Variants in ZC3H14 observed in about 807,000 individuals in gnomAD.
ZC3H14 encodes the protein zinc finger CCCH domain-containing protein 14.
Under a neutral mutation model 92.4 loss-of-function variants are expected in ZC3H14, and 31 were observed. The observed-to-expected ratio is 0.34, with a 90% CI of 0.25 to 0.45. The LOEUF is 0.45. Ranked by LOEUF, ZC3H14 falls within the 20% of genes least tolerant of loss-of-function variation. The probability of loss-of-function intolerance (pLI) is 1.00; values close to 1 mark genes in which losing one functional copy is unlikely to be tolerated. For synonymous variants in ZC3H14, 321 were observed against 300.9 expected (o/e 1.07, Z -0.69); for missense variants, 781 against 897.3 (o/e 0.87, Z 1.66).
At chr14:88,605,518 G>A (rs2085252663) in intron 12 of ZC3H14, among the ~76,000 whole-genome samples, 1 of 152,026 alleles carries the variant, frequency 6.6e-6, no homozygotes, top group Admixed American at 6.5e-5. Context: ...ATTTTTTGTA[G>A]AGATGGGGTT....
chr14:88,598,829 A>G (rs1482107530), intron 10 of ZC3H14, among the ~76,000 whole-genome samples: 1 of 152,190 alleles, frequency 6.6e-6, no homozygotes, highest in Non-Finnish European at 1.5e-5. Flanking sequence ...GCTCACGCCC[A>G]TAATCCCAGC....
chr14:88,563,194 G>T lies in ZC3H14; in HGVS notation c.36+25G>T, dbSNP rs748912991. ...GGTGAGGCCCGTGCCGGTCGGGGGT[G>T]GGAAGCCAGGTCTCGGCGAGCGGGC... is the stretch of plus-strand genomic sequence containing the variant. On this transcript the variant is annotated intron_variant, in intron 1 of 16. Transcript: ENST00000251038. 5.0e-6 allele frequency: 8 copies of T among 1,600,800 alleles called. No individual in the cohort carries two copies. The Admixed American group carries it at 8.5e-5, about 17-fold the overall frequency.
rs117435898 is a variant in ZC3H14 at position 88,569,696 on chromosome 14, A to G, written c.195-1388A>G. Reference sequence around the variant, plus strand: ...AATTTGAGTGCAAGAGGAGGCACTGAGTGGGGAGATGAGCCTGGTTAAGTT... The same window carrying G: ...AATTTGAGTGCAAGAGGAGGCACTGGGTGGGGAGATGAGCCTGGTTAAGTT... On this transcript the variant is annotated intron_variant, in intron 3 of 16. Transcript: ENST00000251038. Among the ~76,000 whole-genome samples, 166 of 152,338 alleles carry G rather than the reference A, an allele frequency of 1.1e-3. 1 individual carries two copies. In the South Asian group the frequency reaches 0.017, roughly 15 times the overall value.
intron 9 of ZC3H14, among the ~76,000 whole-genome samples, chr14:88,592,631 G>A (rs996560908): frequency 3.3e-5 from 5 of 151,118 alleles, no homozygotes; most frequent in South Asian, 2.1e-4. Flanking sequence ...CTCCCGAGTA[G>A]CTGGAATTAC....
chr14:88,566,631 G>T (rs2139475324), intron 2 of ZC3H14, among the ~76,000 whole-genome samples: 1 of 152,256 alleles, frequency 6.6e-6, no homozygotes, highest in Middle Eastern at 3.4e-3. Context: ...AGGTATTAAA[G>T]AAATTTGTCA....
chr14:88,593,542 A>C (rs1380211197), intron 9 of ZC3H14, among the ~76,000 whole-genome samples: 1 of 152,212 alleles, frequency 6.6e-6, no homozygotes, highest in African/African-American at 2.4e-5. Flanking sequence ...AGACCCGTGG[A>C]CCGGAATTGA....
Position 88,622,369 on chromosome 14 carries a change from C to G in ZC3H14, c.*10618C>G, listed in dbSNP as rs1255981691. 4 of 362,828 alleles carry G rather than the reference C, an allele frequency of 1.1e-5. No individual in the cohort carries two copies. Among genetic ancestry groups the G allele is most frequent in the Admixed American group, 8.9e-5 (2 of 22,536 alleles). The allele number at this position is 362,828 out of a possible 1,614,324, so 22.5% of individuals were successfully genotyped here. ...ACTAGAGTTGTTAAATTGGCAGATT[C>G]TAGAAAATATTGGAGGTTTACATAC... On this transcript the variant is annotated 3_prime_UTR_variant, in exon 17 of 17. Transcript: ENST00000251038.
intron 3 of ZC3H14, among the ~76,000 whole-genome samples, chr14:88,570,724 C>T (rs895444238): frequency 1.3e-5 from 2 of 152,170 alleles, no homozygotes; most frequent in Admixed American, 6.5e-5. Flanking sequence ...GAAAAAAATA[C>T]AATTTTTTAT....
rs2088565401 is a variant in ZC3H14 at position 88,619,854 on chromosome 14, G to A, written c.*8103G>A. On this transcript the variant is annotated 3_prime_UTR_variant, in exon 17 of 17. Coordinates refer to ENST00000251038, the MANE Select transcript of ZC3H14 (RefSeq NM_024824.5). ...TGATTTTTGTATTTTTAGTTGAGAT[G>A]GGGTTTCACTATGTTGGCCAGGCTG... 1 of 152,116 alleles carries A rather than the reference G, an allele frequency of 6.6e-6. No individual in the cohort carries two copies. Among genetic ancestry groups the A allele is most frequent in the Non-Finnish European group, 1.5e-5 (1 of 68,030 alleles). The allele number at this position is 152,116 out of a possible 1,614,324, so 9.4% of individuals were successfully genotyped here.
intron 2 of ZC3H14, among the ~76,000 whole-genome samples, chr14:88,566,298 T>C (rs1389224095): frequency 6.6e-6 from 1 of 152,022 alleles, no homozygotes; most frequent in African/African-American, 2.4e-5. Context: ...TTAAAAATGA[T>C]CAGTTCTAAT....
Position 88,620,446 on chromosome 14 carries a change from G to C in ZC3H14, c.*8695G>C, listed in dbSNP as rs2140299911. 4.4e-6 allele frequency: 1 copy of C among 227,396 alleles called. No homozygotes were observed. Among genetic ancestry groups the C allele is most frequent in the East Asian group, 9.1e-5 (1 of 10,980 alleles). The allele number at this position is 227,396 out of a possible 1,614,324, so 14.1% of individuals were successfully genotyped here. ...GGTGACAACTTTTGAAGGGCAGATA[G>C]CTCTCTTGTATTACAGTGGGAGATA... On this transcript the variant is annotated 3_prime_UTR_variant, in exon 17 of 17. Transcript: ENST00000251038. This position sits in a 1 kb window ranked among gnomAD's most constrained non-coding sequence, Gnocchi z 4.3.
intron 2 of ZC3H14, among the ~76,000 whole-genome samples, chr14:88,567,583 A>G (rs2079868995): frequency 6.6e-6 from 1 of 152,130 alleles, no homozygotes; most frequent in Non-Finnish European, 1.5e-5. Context: ...ATGTTGCTAC[A>G]AGTTTGTTAC....
In ZC3H14 at chr14:88,616,161, C is replaced by T; in HGVS notation, c.*4410C>T. 6.2e-7 allele frequency: 1 copy of T among 1,613,902 alleles called. No individual in the cohort carries two copies. The highest frequency in any genetic ancestry group is 1.1e-5 in the South Asian group (1 of 91,076). On this transcript the variant is annotated 3_prime_UTR_variant, in exon 17 of 17. Transcript: ENST00000251038. ...ACTAACCTGCAGTCATCACCTCCAG[C>T]ACTAACAACATGTCGATCACCACTG...
At position 88,616,294 on chromosome 14, in the gene ZC3H14, A is replaced by G. The variant is rs1226946330; in HGVS notation, c.*4543A>G. The G allele has an allele frequency of 6.5e-7, 1 of 1,538,540 alleles. No individual in the cohort carries two copies. Among genetic ancestry groups the G allele is most frequent in the African/African-American group, 1.4e-5 (1 of 73,328 alleles). On this transcript the variant is annotated 3_prime_UTR_variant, in exon 17 of 17. Coordinates refer to ENST00000251038, the MANE Select transcript of ZC3H14 (RefSeq NM_024824.5). ...GGGCATTTGGTGCACACAGAAGTCAAAGGCTCTTATTAGGAACTATAATCT... is the reference window on the plus strand; with the variant it reads ...GGGCATTTGGTGCACACAGAAGTCAGAGGCTCTTATTAGGAACTATAATCT...
intron 10 of ZC3H14, 53 bp from the exon 11 acceptor site, chr14:88,601,871 G>T: frequency 6.3e-7 from 1 of 1,590,148 alleles, no homozygotes; most frequent in Non-Finnish European, 8.6e-7. Flanking sequence ...ATAATGTTGG[G>T]AATGTAAGGT....
intron 10 of ZC3H14, among the ~76,000 whole-genome samples, chr14:88,601,373 G>A (rs1343162571): frequency 6.6e-6 from 1 of 152,162 alleles, no homozygotes; most frequent in Non-Finnish European, 1.5e-5. Context: ...TTGCATTAAA[G>A]GCCAGTGTTT....
chr14:88,609,866 CTTTT>C (rs1376833440), intron 15 of ZC3H14, 63 bp downstream of exon 15: 14 of 1,549,058 alleles, frequency 9.0e-6, no homozygotes, highest in Non-Finnish European at 1.2e-5. Context: ...CATTTAACTT[CTTTT>C]TTGTCAGAGT....
intron 3 of ZC3H14, among the ~76,000 whole-genome samples, chr14:88,568,891 C>A (rs185578326): frequency 2.0e-5 from 3 of 151,260 alleles, no homozygotes; most frequent in African/African-American, 7.3e-5. Flanking sequence ...ACTTCTATAT[C>A]TTTTTTTTTG....
At chr14:88,572,372 A>G (rs1385573655) in intron 5 of ZC3H14, 147 bp downstream of exon 5, 14 of 1,106,534 alleles carry the variant, frequency 1.3e-5, no homozygotes, top group Non-Finnish European at 1.8e-5. Context: ...AAAATAATGG[A>G]TAAGATCTAA....
Sources: gnomAD v4.1 joint callset for allele counts (sites outside exome capture counted in the v4.1 genomes callset) on GRCh38, gnomAD v4.1.1 for gene constraint, Gnocchi (gnomAD v3.1) non-coding constraint, MANE v1.5 for transcripts, NCBI Gene and HGNC (gene_info 2026-07-23, HGNC 2026-07-21) for gene names.